COL22A1: variants seen among roughly 807,000 people sequenced by gnomAD.
COL22A1 encodes collagen type XXII alpha 1 chain, also known as collagen alpha-1(XXII) chain.
A neutral mutation model predicts 248.9 loss-of-function variants in COL22A1; 221 were observed. The observed-to-expected ratio is 0.89, with a 90% CI of 0.80 to 0.99. COL22A1 has a LOEUF of 0.99. COL22A1 is among the 50% of genes least tolerant of loss of function. The pLI is 0.00. For missense variants in COL22A1, 2,240 were observed against 2,179.0 expected (o/e 1.03, Z -0.56); for synonymous variants, 891 against 793.4 (o/e 1.12, Z -2.07).
intron 2 of COL22A1, among the ~76,000 whole-genome samples, chr8:138,878,852 C>A (rs1041991234): frequency 6.6e-6 from 1 of 151,950 alleles, no homozygotes; most frequent in African/African-American, 2.4e-5. Context: ...CTAAAAAATA[C>A]AAAAAATTAG....
intron 3 of COL22A1, among the ~76,000 whole-genome samples, chr8:138,863,314 G>A (rs1822626639): frequency 6.6e-6 from 1 of 152,084 alleles, no homozygotes; most frequent in African/African-American, 2.4e-5. Flanking sequence ...GTTGTTTTTT[G>A]ACATTGAAAT....
chr8:138,593,346 G>T (rs1306823340), intron 63 of COL22A1, among the ~76,000 whole-genome samples: 1 of 151,926 alleles, frequency 6.6e-6, no homozygotes, highest in Non-Finnish European at 1.5e-5. Flanking sequence ...TATCAAACCT[G>T]CACGTTCAGC....
At chr8:138,851,614 T>C (rs1322245596) in intron 3 of COL22A1, among the ~76,000 whole-genome samples, 1 of 152,122 alleles carries the variant, frequency 6.6e-6, no homozygotes, top group African/African-American at 2.4e-5. Flanking sequence ...CCAGTAGGTG[T>C]CACCAGAGAC....
chr8:138,732,650 A>G (rs1413093881), intron 23 of COL22A1, among the ~76,000 whole-genome samples: 4 of 152,274 alleles, frequency 2.6e-5, no homozygotes, highest in Non-Finnish European at 4.4e-5. Flanking sequence ...GTAACAAATT[A>G]GTCAACAGAC....
intron 57 of COL22A1, among the ~76,000 whole-genome samples, chr8:138,607,000 G>A (rs985509030): frequency 6.6e-6 from 1 of 152,126 alleles, no homozygotes; most frequent in Admixed American, 6.5e-5. Flanking sequence ...CCATACCACA[G>A]CCCCTGAGGG....
At chr8:138,882,494 TCACA>T (rs999820520) in intron 2 of COL22A1, among the ~76,000 whole-genome samples, 1 of 142,084 alleles carries the variant, frequency 7.0e-6, no homozygotes, top group African/African-American at 2.7e-5. Flanking sequence ...CTCGAACTCC[TCACA>T]CACTTCGTCA....
rs770100868 is a variant in COL22A1 at position 138,649,760 on chromosome 8, G to A, written c.3352C>T (p.Pro1118Ser). Reference protein sequence around the residue: ...LLAKDVCNDCPPGPPGLPGLP... With the variant: ...LLAKDVCNDCSPGPPGLPGLP... ...CCAGGGAGGCCTGGGGGGCCAGGAG[G>A]GCAGTCATTGCACACATCCTGAGAG... The change falls in exon 46 of 65, where the codon CCT (proline) becomes TCT (serine). Residue 1118 changes from proline to serine, a missense_variant. Physicochemically the swap from Pro to Ser is moderately conservative, Grantham distance 74. Coordinates refer to ENST00000303045, the MANE Select transcript of COL22A1 (RefSeq NM_152888.3). 1.8e-5 allele frequency: 29 copies of A among 1,599,634 alleles called. No individual in the cohort carries two copies. In the South Asian group the frequency reaches 2.7e-4, roughly 15 times the overall value.
chr8:138,590,005 T>A (rs1397729258), intron 64 of COL22A1, among the ~76,000 whole-genome samples: 1 of 152,006 alleles, frequency 6.6e-6, no homozygotes, highest in Non-Finnish European at 1.5e-5. Flanking sequence ...AAAGACAACA[T>A]CTAGGATGCA....
chr8:138,900,821 T>G (rs921770669), intron 1 of COL22A1, among the ~76,000 whole-genome samples: 5 of 152,210 alleles, frequency 3.3e-5, no homozygotes, highest in African/African-American at 1.2e-4. Flanking sequence ...TCCAGCTTAC[T>G]TTCTAGAGAG....
At chr8:138,655,207 G>T (rs1823127930) in intron 45 of COL22A1, among the ~76,000 whole-genome samples, 1 of 152,118 alleles carries the variant, frequency 6.6e-6, no homozygotes, top group South Asian at 2.1e-4. Context: ...ATTAAATAAG[G>T]GAGGCACATT....
At chr8:138,593,876 A>T (rs577660676) in intron 63 of COL22A1, 141 bp downstream of exon 63, 2 of 573,684 alleles carry the variant, frequency 3.5e-6, no homozygotes, top group African/African-American at 3.9e-5. Flanking sequence ...ATAAAATTAT[A>T]TGATGCCAAA....
intron 11 of COL22A1, among the ~76,000 whole-genome samples, 173 bp downstream of exon 11, chr8:138,802,699 C>A (rs1817102631): frequency 6.6e-6 from 1 of 152,094 alleles, no homozygotes; most frequent in African/African-American, 2.4e-5. Context: ...ATTCAGCAGG[C>A]CTCCATGCCC....
chr8:138,751,686 A>T lies in COL22A1; in HGVS notation c.2032-175T>A, dbSNP rs1486359850. On this transcript the variant is annotated intron_variant, in intron 21 of 64. Coordinates refer to ENST00000303045, the MANE Select transcript of COL22A1 (RefSeq NM_152888.3). ...AAACCTATAACACTTTAAAACATGT[A>T]CATCTATCAGATCTGATTAAGTATG... Among the ~76,000 whole-genome samples the T allele has an allele frequency of 1.3e-5, 2 of 152,214 alleles. 1 individual carries two copies. Among genetic ancestry groups the T allele is most frequent in the African/African-American group, 4.8e-5 (2 of 41,466 alleles).
intron 32 of COL22A1, among the ~76,000 whole-genome samples, chr8:138,698,932 T>C (rs1827742975): frequency 6.6e-6 from 1 of 152,244 alleles, no homozygotes; most frequent in Non-Finnish European, 1.5e-5. Context: ...GTTATTTGCA[T>C]TTAATCCTGA....
At chr8:138,739,020 C>T (rs1831348712) in intron 22 of COL22A1, among the ~76,000 whole-genome samples, 1 of 152,192 alleles carries the variant, frequency 6.6e-6, no homozygotes, top group South Asian at 2.1e-4. Context: ...CTCCCCAGAA[C>T]CACTGCAGTA....
chr8:138,628,919 C>A (rs1011319575), intron 50 of COL22A1, among the ~76,000 whole-genome samples: 1 of 151,984 alleles, frequency 6.6e-6, no homozygotes, highest in African/African-American at 2.4e-5. Flanking sequence ...GCACATATCA[C>A]CACGCCCAGC....
At chr8:138,779,362 T>C (rs1814748779) in intron 14 of COL22A1, 147 bp downstream of exon 14, 1 of 604,606 alleles carries the variant, frequency 1.7e-6, no homozygotes, top group Admixed American at 3.0e-5. Context: ...TGTGTGTGGA[T>C]ATACACACAC....
intron 9 of COL22A1, among the ~76,000 whole-genome samples, chr8:138,808,691 G>A (rs554109411): frequency 1.3e-5 from 2 of 152,306 alleles, no homozygotes; most frequent in East Asian, 3.9e-4. Flanking sequence ...AAAGGCAGCA[G>A]TACATCCATT....
chr8:138,674,904 T>G lies in COL22A1; in HGVS notation c.3150+1654A>C, dbSNP rs973417666. ...CTATTGTGTTCTCTCGCTGCACTTA[T>G]TGTTACAGTGTTCCTTCCAGTTACA... On this transcript the variant is annotated intron_variant, in intron 41 of 64. Coordinates refer to ENST00000303045, the MANE Select transcript of COL22A1 (RefSeq NM_152888.3). 3.2e-3 allele frequency among the ~76,000 whole-genome samples: 485 copies of G among 152,332 alleles called. 3 individuals are homozygous for G. Among genetic ancestry groups the G allele is most frequent in the African/African-American group, 0.011 (472 of 41,570 alleles).
Sources: allele counts gnomAD v4.1 joint callset (sites outside exome capture counted in the v4.1 genomes callset), GRCh38; gene constraint gnomAD v4.1.1; transcripts MANE v1.5; gene names NCBI Gene and HGNC (gene_info 2026-07-23, HGNC 2026-07-21).